The following GPC3 variants were observed in gnomAD, a reference collection of about 807,000 sequenced individuals.
GPC3 encodes glypican-3.
GPC3 carries 3 observed loss-of-function variants against 34.4 expected under a neutral mutation model. The observed-to-expected ratio is 0.09, with a 90% confidence interval of 0.04 to 0.23. GPC3 has a LOEUF of 0.23. Among genes scored for constraint, GPC3 ranks in the 10% least tolerant of loss-of-function variants. The pLI is 1.00. For missense variants in GPC3, 351 were observed against 445.6 expected (o/e 0.79, Z 1.91); for synonymous variants, 177 against 174.0 (o/e 1.02, Z -0.13).
intron 3 of GPC3, among the ~76,000 whole-genome samples, chrX:133,708,824 T>C (rs932568751): frequency 8.9e-6 from 1 of 112,147 alleles, no homozygotes; most frequent in African/African-American, 3.2e-5. Context: ...CCTTTAAATA[T>C]TTTTCTCTGG....
intron 2 of GPC3, among the ~76,000 whole-genome samples, chrX:133,935,472 T>A (rs1032318595): frequency 3.6e-5 from 4 of 111,068 alleles, no homozygotes; most frequent in Admixed American, 2.9e-4. Flanking sequence ...TTCTTCTCTC[T>A]CTGACCTCCC....
At chrX:133,866,757 C>A (rs763817180) in intron 2 of GPC3, among the ~76,000 whole-genome samples, 3 of 110,775 alleles carry the variant, frequency 2.7e-5, no homozygotes, top group Middle Eastern at 4.7e-3. Flanking sequence ...TCAAGCAATG[C>A]CCCCCAAACT....
At chrX:133,655,973 G>T (rs979161948) in intron 6 of GPC3, among the ~76,000 whole-genome samples, 18 of 112,032 alleles carry the variant, frequency 1.6e-4, no homozygotes, top group Non-Finnish European at 2.3e-4. Context: ...TAATTTTCTG[G>T]TGTTTACAGA....
chrX:133,776,878 C>CT (rs10633635), intron 2 of GPC3, among the ~76,000 whole-genome samples: 3,743 of 79,556 alleles, frequency 0.047, 149 homozygotes, highest in Middle Eastern at 0.06. Flanking sequence ...CCTTTCTTTT[C>CT]TTTTTTTTTT....
chrX:133,577,562 G>A (rs1028657045), intron 7 of GPC3, among the ~76,000 whole-genome samples: 1 of 111,462 alleles, frequency 9.0e-6, no homozygotes, highest in Non-Finnish European at 1.9e-5. Context: ...CAAATGAGGT[G>A]CTCTGGGGGA....
intron 3 of GPC3, among the ~76,000 whole-genome samples, chrX:133,700,516 T>C (rs2071158194): frequency 9.0e-6 from 1 of 110,848 alleles, no homozygotes; most frequent in Admixed American, 9.7e-5. Flanking sequence ...CAAGATAAGG[T>C]ACTCTGATAA....
chrX:133,582,921 G>C (rs928614848), intron 7 of GPC3, among the ~76,000 whole-genome samples: 1 of 111,131 alleles, frequency 9.0e-6, no homozygotes, highest in Non-Finnish European at 1.9e-5. Flanking sequence ...TTCTAACATG[G>C]GGCAGGACGG....
At chrX:133,585,606 T>C (rs756136930) in intron 7 of GPC3, among the ~76,000 whole-genome samples, 20 of 111,643 alleles carry the variant, frequency 1.8e-4, no homozygotes, top group Non-Finnish European at 3.4e-4. Flanking sequence ...GGCATGTAAG[T>C]CTGCACTCCC....
chrX:133,946,637 G>C (rs766620397), intron 2 of GPC3, among the ~76,000 whole-genome samples: 1 of 110,605 alleles, frequency 9.0e-6, no homozygotes, highest in African/African-American at 3.3e-5. Context: ...CTCCATTGCT[G>C]AACTGGGAAG....
intron 7 of GPC3, among the ~76,000 whole-genome samples, chrX:133,572,938 G>A (rs1341144216): frequency 9.0e-6 from 1 of 111,373 alleles, no homozygotes; most frequent in Non-Finnish European, 1.9e-5. Flanking sequence ...CCAAAGCTAG[G>A]CAGAGATATC....
intron 2 of GPC3, among the ~76,000 whole-genome samples, chrX:133,790,396 T>C (rs765621372): frequency 2.1e-5 from 2 of 96,856 alleles, no homozygotes; most frequent in Admixed American, 2.7e-4. Flanking sequence ...ATCCTAAAAG[T>C]TGACCTCAGA....
intron 3 of GPC3, among the ~76,000 whole-genome samples, chrX:133,740,999 C>T (rs1289090117): frequency 1.8e-5 from 2 of 109,556 alleles, no homozygotes; most frequent in Admixed American, 9.8e-5. Flanking sequence ...CATTAGAGGC[C>T]TCATCTCTGA....
intron 2 of GPC3, among the ~76,000 whole-genome samples, chrX:133,823,037 G>C (rs1033504105): frequency 9.7e-6 from 1 of 103,192 alleles, no homozygotes; most frequent in African/African-American, 3.6e-5. Context: ...GCTGAGGCAG[G>C]AGATTCGCTT....
intron 2 of GPC3, among the ~76,000 whole-genome samples, chrX:133,825,069 C>T (rs2075739808): frequency 9.0e-6 from 1 of 111,406 alleles, no homozygotes; most frequent in African/African-American, 3.3e-5. Flanking sequence ...GTTAGCCAGG[C>T]TGCTCTCGAT....
chrX:133,705,268 C>T (rs1008749914), intron 3 of GPC3, among the ~76,000 whole-genome samples: 6 of 110,251 alleles, frequency 5.4e-5, no homozygotes, highest in Admixed American at 1.9e-4. Flanking sequence ...GGTGTGGTCA[C>T]GGCTCAATGC....
At chrX:133,655,002 C>A (rs1160323522) in intron 6 of GPC3, among the ~76,000 whole-genome samples, 1 of 111,563 alleles carries the variant, frequency 9.0e-6, no homozygotes, top group African/African-American at 3.3e-5. Flanking sequence ...AACACTAATA[C>A]CAACAACATT....
rs1460376454 is a variant in GPC3 at position 133,834,166 on chromosome X, G to A, written c.338-79990C>T. On this transcript the variant is annotated intron_variant, in intron 2 of 7. Coordinates refer to ENST00000370818, the MANE Select transcript of GPC3 (RefSeq NM_004484.4). The stretch of plus-strand genomic sequence containing the variant: ...TTCTATTTTTTGCAATATGGTAGGA[G>A]TAATTTTTGAAATGTAATTGTATTT... Among the ~76,000 whole-genome samples the A allele has an allele frequency of 2.7e-5, 3 of 112,176 alleles. No individual in the cohort carries two copies. In the Admixed American group the frequency reaches 2.9e-4, roughly 11 times the overall value.
intron 2 of GPC3, among the ~76,000 whole-genome samples, chrX:133,843,111 T>C (rs985965987): frequency 9.0e-6 from 1 of 111,709 alleles, no homozygotes; most frequent in South Asian, 3.8e-4. Context: ...ATTGAGTCAC[T>C]AGGAAACAGG....
chrX:133,740,778 AT>A (rs1318508906), intron 3 of GPC3, among the ~76,000 whole-genome samples: 1 of 111,648 alleles, frequency 9.0e-6, no homozygotes, highest in Non-Finnish European at 1.9e-5. Flanking sequence ...CTTTTAAAGT[AT>A]TTTTTAAATA....
Sources: gnomAD v4.1 joint callset for allele counts (sites outside exome capture counted in the v4.1 genomes callset) on GRCh38, gnomAD v4.1.1 for gene constraint, MANE v1.5 for transcripts, NCBI Gene and HGNC (gene_info 2026-07-23, HGNC 2026-07-21) for gene names.